The following PZP variants were observed in gnomAD, a reference collection of about 807,000 sequenced individuals.
PZP encodes pregnancy zone protein.
Under a neutral mutation model 179.8 loss-of-function variants are expected in PZP, and 150 were observed. That is an observed-to-expected ratio of 0.83 (90% confidence interval 0.73 to 0.96). The LOEUF (loss-of-function observed/expected upper bound fraction) is 0.96, where lower values mean the gene tolerates loss of function less well. Ranked by LOEUF, PZP falls within the 40% of genes least tolerant of loss-of-function variation. The probability of loss-of-function intolerance (pLI) is 0.00; values close to 1 mark genes in which losing one functional copy is unlikely to be tolerated. For synonymous variants in PZP, 624 were observed against 652.3 expected (o/e 0.96, Z 0.66); for missense variants, 1,689 against 1,764.0 (o/e 0.96, Z 0.76).
rs368446783 is a variant in PZP at position 9,203,801 on chromosome 12, C to T, written c.234G>A (p.Ala78=). 1.1e-4 allele frequency: 181 copies of T among 1,613,966 alleles called. No homozygotes were observed. The highest frequency in any genetic ancestry group is 1.3e-4 in the Non-Finnish European group (159 of 1,180,018). The change falls in exon 2 of 36, where the codon GCG becomes GCA. Residue 78 remains alanine, a synonymous_variant. Transcript: ENST00000261336. ...ENRSLFTDLV[A]EKDLFHCVSF... Reference sequence around the variant, plus strand: ...AGACACAGTGGAATAAGTCCTTCTCCGCCACCAGGTCAGTGAAGAGGCTCC... The same window carrying T: ...AGACACAGTGGAATAAGTCCTTCTCTGCCACCAGGTCAGTGAAGAGGCTCC...
At chr12:9,162,050 C>G (rs1428386178) in intron 22 of PZP, among the ~76,000 whole-genome samples, 1 of 152,164 alleles carries the variant, frequency 6.6e-6, no homozygotes, top group Non-Finnish European at 1.5e-5. Context: ...CAACCTCCCC[C>G]TGCCCGGCTC....
Position 9,152,257 on chromosome 12 carries a change from A to G in PZP, c.4175T>C (p.Val1392Ala). The G allele has an allele frequency of 1.2e-6, 2 of 1,613,106 alleles. No individual in the cohort carries two copies. The highest frequency in any genetic ancestry group is 1.7e-6 in the Non-Finnish European group (2 of 1,179,118). The change falls in exon 32 of 36, where the codon GTA (valine) becomes GCA (alanine). Residue 1392 changes from valine (V) to alanine (A), a missense_variant. By Grantham distance (64) the Val-to-Ala change is moderately conservative (BLOSUM62 0). Transcript: ENST00000261336. ...SNMVIVDVKM[V>A]SGFIPLKPTV... The stretch of plus-strand genomic sequence containing the variant: ...TGGTTTCAGGGGAATAAAACCAGAT[A>G]CCATCTTTACATCAACAATCACCAT...
Position 9,202,650 on chromosome 12 carries a change from A to T in PZP, c.302T>A (p.Phe101Tyr). 1 of 1,614,106 alleles carries T rather than the reference A, an allele frequency of 6.2e-7. No individual in the cohort carries two copies. The highest frequency in any genetic ancestry group is 8.5e-7 in the Non-Finnish European group (1 of 1,179,986). ...AGGCCCCTTTATCTGGATGCTAAGG[A>T]ATGCCACCTCTGAAGAGGCTGAGAT... ...PRISASSEVA[F>Y]LSIQIKGPTQ... The change falls in exon 3 of 36, where the codon TTC becomes TAC. Residue 101 changes from phenylalanine to tyrosine, a missense_variant. Transcript: ENST00000261336.
intron 17 of PZP, 32 bp from the exon 18 acceptor site, chr12:9,166,234 A>AAAAC (rs1941576104): frequency 6.2e-7 from 1 of 1,602,894 alleles, no homozygotes. Flanking sequence ...TAGTTAGGGA[A>AAAAC]AAACATTCAT....
chr12:9,202,715 GA>G (rs778290890), intron 2 of PZP, 31 bp from the exon 3 acceptor site: 12 of 1,598,246 alleles, frequency 7.5e-6, no homozygotes, highest in Non-Finnish European at 1.0e-5. Context: ...TACTACTGAG[GA>G]ACTGTGCAGT....
At chr12:9,186,005 A>G (rs2121030864) in intron 13 of PZP, among the ~76,000 whole-genome samples, 1 of 151,926 alleles carries the variant, frequency 6.6e-6, no homozygotes, top group Admixed American at 6.5e-5. Context: ...ATGGGGTTTC[A>G]CCATGTTGGC....
intron 26 of PZP, among the ~76,000 whole-genome samples, 175 bp from the exon 27 acceptor site, chr12:9,158,016 C>G (rs755582672): frequency 6.6e-6 from 1 of 152,212 alleles, no homozygotes; most frequent in South Asian, 2.1e-4. Context: ...TGCAGTAGCA[C>G]TATCACACAT....
Position 9,185,299 on chromosome 12 carries a change from C to T in PZP, c.1547-3182G>A, listed in dbSNP as rs1405185134. On this transcript the variant is annotated intron_variant, in intron 13 of 35. Coordinates refer to ENST00000261336, the MANE Select transcript of PZP (RefSeq NM_002864.3). ...TTCGTAATGCAATCACAAGTATTAA[C>T]AGCAGAACAGACCAAGCTGAGGAAA... Among the ~76,000 whole-genome samples, 3 of 152,164 alleles carry T rather than the reference C, an allele frequency of 2.0e-5. No individual in the cohort carries two copies. In the South Asian group the frequency reaches 6.2e-4, roughly 32 times the overall value.
rs371702065 is a variant in PZP, at chr12:9,163,531, GC to G, written c.2736+136del. The G allele has an allele frequency of 6.4e-4, 640 of 996,666 alleles. 4 individuals carry two copies. In the East Asian group the frequency reaches 0.015, roughly 24 times the overall value. 61.7% of individuals were successfully genotyped at this position (996,666 alleles called of 1,614,324 possible). ...AGCTGGCAATGTTGTCTGCTGCAATGCTTTTAGGGCAGGAAATTCCATTAGT... is the reference window on the plus strand; with the variant it reads ...AGCTGGCAATGTTGTCTGCTGCAATGTTTTAGGGCAGGAAATTCCATTAGT... On this transcript the variant is annotated intron_variant, in intron 21 of 35. Transcript: ENST00000261336.
intron 4 of PZP, 120 bp from the exon 5 acceptor site, chr12:9,201,467 A>T: frequency 1.4e-6 from 1 of 719,926 alleles, no homozygotes. Context: ...TCAACAAGAA[A>T]CATAACAGAA....
chr12:9,154,103 C>T (rs1295029505), intron 29 of PZP, among the ~76,000 whole-genome samples: 1 of 152,152 alleles, frequency 6.6e-6, no homozygotes, highest in Non-Finnish European at 1.5e-5. Flanking sequence ...TACTTTTAAT[C>T]ACACATTTTT....
At chr12:9,137,944 T>A in the PZP span, among the ~76,000 whole-genome samples, 1 of 152,242 alleles carries the variant, frequency 6.6e-6, no homozygotes, top group African/African-American at 2.4e-5. Context: ...TTTTAATACA[T>A]AATATAATGG....
At chr12:9,188,879 GAC>G (rs1943287302) in intron 13 of PZP, among the ~76,000 whole-genome samples, 2 of 152,090 alleles carry the variant, frequency 1.3e-5, no homozygotes, top group African/African-American at 2.4e-5. Flanking sequence ...AATCAGAGAT[GAC>G]ACAAACAAAT....
chr12:9,181,345 G>C (rs911966486), intron 14 of PZP, among the ~76,000 whole-genome samples: 1 of 152,152 alleles, frequency 6.6e-6, no homozygotes, highest in Non-Finnish European at 1.5e-5. Context: ...AACAACTCTA[G>C]AGACATAAAT....
At chr12:9,153,368 C>T (rs1218473018) in intron 29 of PZP, 25 bp from the exon 30 acceptor site, 3 of 1,581,924 alleles carry the variant, frequency 1.9e-6, no homozygotes, top group Non-Finnish European at 2.6e-6. Context: ...TGGACAACCG[C>T]CCCAAAGAGT....
chr12:9,196,797 T>C, intron 8 of PZP, 112 bp from the exon 9 acceptor site: 1 of 915,888 alleles, frequency 1.1e-6, no homozygotes, highest in South Asian at 1.5e-5. Flanking sequence ...TTAAGTAAGT[T>C]AATTGACCTT....
At chr12:9,205,742 C>T (rs1944412057) in intron 1 of PZP, among the ~76,000 whole-genome samples, 1 of 152,144 alleles carries the variant, frequency 6.6e-6, no homozygotes, top group Non-Finnish European at 1.5e-5. Context: ...CCAACATAAA[C>T]TCTTACTTTT....
chr12:9,154,642 C>T lies in PZP; in HGVS notation c.3748G>A (p.Ala1250Thr), dbSNP rs763965983. Residue 1250 changes from alanine to threonine, a missense_variant, in exon 29 of 36, where the codon GCC becomes ACC. Ala to Thr is a moderately conservative substitution (Grantham distance 58). This residue lies in a region of PZP where 746 missense variants were observed against 749.2 expected (regional missense o/e 1.00). Transcript: ENST00000261336. ...TGGGTGGAGGAGAAACCACCTTGGG[C>T]GTTCTGCTGCTTCATGATCCACTTC... The part of the protein sequence containing the change: ...IVKWIMKQQN[A>T]QGGFSSTQDT... 14 of 1,614,024 alleles carry T rather than the reference C, an allele frequency of 8.7e-6. No individual in the cohort carries two copies. The East Asian group carries it at 1.1e-4, about 13-fold the overall frequency.
rs998961787 is a variant in PZP at position 9,152,715 on chromosome 12, T to C, written c.4121+109A>G. The C allele has an allele frequency of 1.2e-5, 14 of 1,171,398 alleles. No homozygotes were observed. In the African/African-American group the frequency reaches 1.9e-4, roughly 16 times the overall value. 72.6% of individuals were successfully genotyped at this position (1,171,398 alleles called of 1,614,324 possible). A position where few individuals can be genotyped will look rare whatever the true frequency, so the allele number is the denominator to read the frequency against. Reference sequence around the variant, plus strand: ...CTAAATTCATTTATAGATATATCAATTCTAAATTATATTAATCTAATAACA... The same window carrying C: ...CTAAATTCATTTATAGATATATCAACTCTAAATTATATTAATCTAATAACA... On this transcript the variant is annotated intron_variant, in intron 31 of 35. Transcript: ENST00000261336.
Sources: gnomAD v4.1 joint callset for allele counts (sites outside exome capture counted in the v4.1 genomes callset) on GRCh38, gnomAD v4.1.1 for gene constraint, gnomAD v4.1.1 regional missense constraint, MANE v1.5 for transcripts, NCBI Gene and HGNC (gene_info 2026-07-23, HGNC 2026-07-21) for gene names.